SLCO5A1: variants seen among roughly 807,000 people sequenced by gnomAD.
The protein encoded by SLCO5A1 is organic anion transporter polypeptide-related protein 4.
SLCO5A1 carries 39 observed loss-of-function variants against 65.1 expected under a neutral mutation model. The ratio of observed to expected loss-of-function variants is 0.60; its 90% CI spans 0.46 to 0.78. The LOEUF (loss-of-function observed/expected upper bound fraction) is 0.78. Ranked by LOEUF, SLCO5A1 falls within the 30% of genes least tolerant of loss-of-function variation. The pLI, the probability that SLCO5A1 is intolerant of heterozygous loss-of-function variation, is 0.00. For synonymous variants in SLCO5A1, 438 were observed against 415.7 expected (o/e 1.05, Z -0.65); for missense variants, 1,029 against 1,069.4 (o/e 0.96, Z 0.53).
At chr8:69,801,827 A>G (rs908495506) in intron 2 of SLCO5A1, among the ~76,000 whole-genome samples, 1 of 152,214 alleles carries the variant, frequency 6.6e-6, no homozygotes, top group African/African-American at 2.4e-5. Context: ...TTGGCTGAGC[A>G]AACTAAGACC....
At chr8:69,688,394 G>C (rs1353539119) in intron 6 of SLCO5A1, among the ~76,000 whole-genome samples, 3 of 151,902 alleles carry the variant, frequency 2.0e-5, no homozygotes, top group Non-Finnish European at 4.4e-5. Flanking sequence ...GTGCAGGTTA[G>C]TTACATATGT....
intron 6 of SLCO5A1, among the ~76,000 whole-genome samples, chr8:69,683,546 T>C (rs1253704576): frequency 6.7e-6 from 1 of 149,770 alleles, no homozygotes; most frequent in Non-Finnish European, 1.5e-5. Context: ...CTCAACTCCC[T>C]CCCTCGCCAC....
At chr8:69,684,014 A>G (rs1813900286) in intron 6 of SLCO5A1, among the ~76,000 whole-genome samples, 1 of 152,222 alleles carries the variant, frequency 6.6e-6, no homozygotes, top group South Asian at 2.1e-4. Flanking sequence ...TGGGGGAAAC[A>G]AATTCAAAAC....
In SLCO5A1 at chr8:69,832,417, G is replaced by T; in HGVS notation, c.257C>A (p.Pro86Gln). 1.2e-6 allele frequency: 2 copies of T among 1,612,082 alleles called. No homozygotes were observed. The highest frequency in any genetic ancestry group is 1.7e-6 in the Non-Finnish European group (2 of 1,179,276). The change falls in exon 2 of 10, where the codon CCG becomes CAG. Residue 86 changes from proline to glutamine, a missense_variant. By Grantham distance (76) the Pro-to-Gln change is moderately conservative. This residue lies in a region of SLCO5A1 where 647 missense variants were observed against 647.5 expected (regional missense o/e 1.00). Transcript: ENST00000260126. This position sits in a 1 kb window ranked among gnomAD's most constrained non-coding sequence, Gnocchi z 4.5. ...GTCCCCGAGCCCCGCCGAAGTGGACGGGGCAGAGGGACTGGGGGCCAACGG... is the reference window on the plus strand; with the variant it reads ...GTCCCCGAGCCCCGCCGAAGTGGACTGGGCAGAGGGACTGGGGGCCAACGG... ...PNPLAPSPSAPSTSAGLGDCN... is the reference protein window; with the variant it reads ...PNPLAPSPSAQSTSAGLGDCN...
At chr8:69,736,444 C>A (rs1018843024) in intron 5 of SLCO5A1, among the ~76,000 whole-genome samples, 1 of 152,184 alleles carries the variant, frequency 6.6e-6, no homozygotes, top group South Asian at 2.1e-4. Flanking sequence ...TCCCACTAAC[C>A]CTGGGGTGAA....
chr8:69,771,902 C>T (rs1221414798), intron 2 of SLCO5A1, among the ~76,000 whole-genome samples: 2 of 152,204 alleles, frequency 1.3e-5, no homozygotes, highest in Non-Finnish European at 2.9e-5. Context: ...ACTGCTGACA[C>T]TAAGACGAGC....
At chr8:69,784,813 A>AAGAAAGAAAGAAAGAG (rs1818945168) in intron 2 of SLCO5A1, among the ~76,000 whole-genome samples, 1 of 78,018 alleles carries the variant, frequency 1.3e-5, no homozygotes, top group Admixed American at 2.0e-4. Context: ...AAGAAAGAAA[A>AAGAAAGAAAGAAAGAG]AGAAAGAAAG....
chr8:69,773,018 G>C, intron 2 of SLCO5A1: 996 of 875,014 alleles, frequency 1.1e-3, no homozygotes, highest in Non-Finnish European at 1.3e-3. Context: ...GGGGAGGGAG[G>C]ACAGAGAAGG....
At chr8:69,675,310 G>C (rs145661391) in intron 9 of SLCO5A1, among the ~76,000 whole-genome samples, 2 of 151,468 alleles carry the variant, frequency 1.3e-5, no homozygotes, top group Non-Finnish European at 1.5e-5. Flanking sequence ...GAGTAGTTGG[G>C]ATTACAGGTA....
At chr8:69,823,287 T>A (rs1013861119) in intron 2 of SLCO5A1, among the ~76,000 whole-genome samples, 2 of 152,188 alleles carry the variant, frequency 1.3e-5, no homozygotes, top group African/African-American at 2.4e-5. Context: ...ACTTTAAATG[T>A]AAATGGACTA....
intron 2 of SLCO5A1, among the ~76,000 whole-genome samples, chr8:69,784,861 A>AAGAG (rs1376200828): frequency 8.1e-5 from 11 of 135,418 alleles, no homozygotes; most frequent in African/African-American, 3.1e-4. Context: ...GAAAGAAAGA[A>AAGAG]AGGGAAGGAA....
At chr8:69,793,767 G>A (rs1477534051) in intron 2 of SLCO5A1, among the ~76,000 whole-genome samples, 1 of 147,056 alleles carries the variant, frequency 6.8e-6, no homozygotes, top group Non-Finnish European at 1.5e-5. Context: ...GACAGAGTGA[G>A]ACTCTGTCTC....
rs138592070 is a variant in SLCO5A1, at chr8:69,828,262, ATTTTT to A, written c.907+3500_907+3504del. On this transcript the variant is annotated intron_variant, in intron 2 of 9. Transcript: ENST00000260126. ...AAGAATGTGTTCTAACGCATTCATCATTTTTTTTTTTTTTAAAAAAAAAGCAATTT... is the reference window on the plus strand; with the variant it reads ...AAGAATGTGTTCTAACGCATTCATCATTTTTTTTTAAAAAAAAAGCAATTT... Among the ~76,000 whole-genome samples, 1,156 of 139,752 alleles carry A rather than the reference ATTTTT, an allele frequency of 8.3e-3. 10 individuals carry two copies. The highest frequency in any genetic ancestry group is 0.018 in the Middle Eastern group (5 of 278). 91.7% of individuals were successfully genotyped at this position (139,752 alleles called of 152,430 possible).
intron 3 of SLCO5A1, among the ~76,000 whole-genome samples, chr8:69,757,705 G>A (rs1165700092): frequency 6.6e-6 from 1 of 151,990 alleles, no homozygotes; most frequent in Non-Finnish European, 1.5e-5. Context: ...AACTAAAAAG[G>A]TCATCTGTCT....
At chr8:69,823,950 C>T (rs1385194154) in intron 2 of SLCO5A1, among the ~76,000 whole-genome samples, 2 of 152,148 alleles carry the variant, frequency 1.3e-5, no homozygotes, top group African/African-American at 2.4e-5. Context: ...TGCAATCAAA[C>T]TAGAACTCAG....
In SLCO5A1 at chr8:69,800,141, C is replaced by CT. The variant is rs527521328; in HGVS notation, c.907+31625dup. Among the ~76,000 whole-genome samples, 227 of 150,874 alleles carry CT rather than the reference C, an allele frequency of 1.5e-3. 1 individual carries two copies. Among genetic ancestry groups the CT allele is most frequent in the African/African-American group, 3.7e-3 (152 of 41,066 alleles). On this transcript the variant is annotated intron_variant, in intron 2 of 9. Transcript: ENST00000260126. ...TTATTCTGCTGAACTTCTACTTGAA[C>CT]TTTTTGTCATTTTTCTTTTTTGGAT...
At chr8:69,829,893 T>A (rs1821085873) in intron 2 of SLCO5A1, among the ~76,000 whole-genome samples, 1 of 152,228 alleles carries the variant, frequency 6.6e-6, no homozygotes, top group Non-Finnish European at 1.5e-5. Flanking sequence ...AATATATTTC[T>A]ATACATATAT....
At chr8:69,699,004 C>T (rs890448866) in intron 6 of SLCO5A1, among the ~76,000 whole-genome samples, 12 of 152,088 alleles carry the variant, frequency 7.9e-5, no homozygotes, top group African/African-American at 2.9e-4. Flanking sequence ...GAGGAAGATT[C>T]AGTAAAACAG....
chr8:69,696,676 T>C (rs933432362), intron 6 of SLCO5A1, among the ~76,000 whole-genome samples: 1 of 152,202 alleles, frequency 6.6e-6, no homozygotes, highest in East Asian at 1.9e-4. Context: ...AAAGACACGA[T>C]CTGAGATATG....
Sources: allele counts gnomAD v4.1 joint callset (sites outside exome capture counted in the v4.1 genomes callset), GRCh38; gene constraint gnomAD v4.1.1; regional missense constraint gnomAD v4.1.1; non-coding constraint Gnocchi (gnomAD v3.1); transcripts MANE v1.5; gene names NCBI Gene and HGNC (gene_info 2026-07-23, HGNC 2026-07-21).